Variants in DOK6 observed in about 807,000 individuals in gnomAD.
DOK6 encodes the protein docking protein 6, also known as downstream of tyrosine kinase 6.
Under a neutral mutation model 44.0 loss-of-function variants are expected in DOK6, and 22 were observed. That is an observed-to-expected ratio of 0.50 (90% CI 0.36 to 0.71). The LOEUF (loss-of-function observed/expected upper bound fraction) is 0.71. DOK6 is among the 30% of genes least tolerant of loss of function. The pLI is 0.00. For missense variants in DOK6, 340 were observed against 416.4 expected (o/e 0.82, Z 1.60); for synonymous variants, 166 against 145.5 (o/e 1.14, Z -1.01).
At chr18:69,704,067 C>T (rs985464558) in intron 5 of DOK6, among the ~76,000 whole-genome samples, 2 of 152,216 alleles carry the variant, frequency 1.3e-5, no homozygotes, top group Non-Finnish European at 2.9e-5. Flanking sequence ...CAGACTCCAG[C>T]CTCCAGAGTG....
chr18:69,618,651 A>G (rs999054706), intron 3 of DOK6: 14 of 152,470 alleles, frequency 9.2e-5, no homozygotes, highest in African/African-American at 3.1e-4. Flanking sequence ...GTTTCCCCTT[A>G]TAAAACCATC....
At chr18:69,820,452 G>T (rs1981536070) in intron 7 of DOK6, among the ~76,000 whole-genome samples, 2 of 152,156 alleles carry the variant, frequency 1.3e-5, no homozygotes, top group African/African-American at 4.8e-5. Context: ...CTCTGTGCAT[G>T]GGATCATCTC....
At chr18:69,506,218 A>G (rs1981182541) in intron 1 of DOK6, among the ~76,000 whole-genome samples, 1 of 152,180 alleles carries the variant, frequency 6.6e-6, no homozygotes, top group Non-Finnish European at 1.5e-5. Context: ...AAGTAGCACC[A>G]TCACTCAGGG....
intron 4 of DOK6, among the ~76,000 whole-genome samples, chr18:69,691,301 A>T (rs1340177301): frequency 6.6e-6 from 1 of 152,184 alleles, no homozygotes; most frequent in Non-Finnish European, 1.5e-5. Flanking sequence ...GGTGAAAAGA[A>T]CCAAGAAGTG....
intron 1 of DOK6, among the ~76,000 whole-genome samples, chr18:69,406,734 A>G (rs1272644793): frequency 1.3e-5 from 2 of 152,222 alleles, no homozygotes; most frequent in East Asian, 3.8e-4. Flanking sequence ...TCTTTCAAAC[A>G]CGCACAGTAA....
intron 1 of DOK6, among the ~76,000 whole-genome samples, chr18:69,435,033 A>AGGAAGGAC (rs773761589): frequency 0.18 from 11,488 of 62,664 alleles, 1,252 homozygotes; most frequent in South Asian, 0.28. Flanking sequence ...GAGGGAAGGA[A>AGGAAGGAC]GGAAGGAAGG....
intron 1 of DOK6, among the ~76,000 whole-genome samples, chr18:69,499,986 G>T (rs1271310075): frequency 6.6e-6 from 1 of 152,056 alleles, no homozygotes; most frequent in Non-Finnish European, 1.5e-5. Flanking sequence ...CATCATTGTG[G>T]TATATGTAGA....
chr18:69,598,109 C>T (rs1014199054), intron 2 of DOK6, among the ~76,000 whole-genome samples: 1 of 151,992 alleles, frequency 6.6e-6, no homozygotes, highest in Non-Finnish European at 1.5e-5. Context: ...GTCTAGTCTA[C>T]ATAGTGTAAT....
At chr18:69,515,763 GA>G (rs1178433639) in intron 1 of DOK6, among the ~76,000 whole-genome samples, 2 of 152,038 alleles carry the variant, frequency 1.3e-5, no homozygotes, top group Non-Finnish European at 2.9e-5. Flanking sequence ...ATTTGAGGGG[GA>G]AAAATAAGTT....
At chr18:69,449,964 A>G (rs1447481368) in intron 1 of DOK6, among the ~76,000 whole-genome samples, 7 of 138,396 alleles carry the variant, frequency 5.1e-5, no homozygotes. Context: ...TGGGGAAAAA[A>G]CAGAACAGAA....
At chr18:69,570,176 C>T (rs143232093) in intron 2 of DOK6, among the ~76,000 whole-genome samples, 1 of 152,078 alleles carries the variant, frequency 6.6e-6, no homozygotes, top group African/African-American at 2.4e-5. Context: ...CCTGCACATA[C>T]ACCCCTAGCC....
chr18:69,445,486 T>G (rs1288634582), intron 1 of DOK6, among the ~76,000 whole-genome samples: 1 of 152,206 alleles, frequency 6.6e-6, no homozygotes, highest in Non-Finnish European at 1.5e-5. Flanking sequence ...TTATTAAGTG[T>G]TCTTATCATG....
intron 3 of DOK6, among the ~76,000 whole-genome samples, chr18:69,635,632 A>G (rs1364854854): frequency 6.6e-6 from 1 of 152,194 alleles, no homozygotes; most frequent in Non-Finnish European, 1.5e-5. Flanking sequence ...ACACATGGTG[A>G]TAACTCTAGG....
chr18:69,599,581 T>G (rs1983826589), intron 3 of DOK6, 83 bp downstream of exon 3: 1 of 1,060,168 alleles, frequency 9.4e-7, no homozygotes, highest in Admixed American at 2.1e-5. Flanking sequence ...GGTACACTAT[T>G]GAACAGGATG....
intron 3 of DOK6, among the ~76,000 whole-genome samples, chr18:69,610,837 G>T (rs1250670526): frequency 6.6e-6 from 1 of 152,260 alleles, no homozygotes; most frequent in Non-Finnish European, 1.5e-5. Flanking sequence ...AGGATTTTAT[G>T]TAAGAGATTT....
intron 2 of DOK6, among the ~76,000 whole-genome samples, chr18:69,579,171 A>G (rs1034080283): frequency 2.0e-5 from 3 of 152,188 alleles, no homozygotes; most frequent in African/African-American, 7.2e-5. Flanking sequence ...ACATAAACTG[A>G]TCTCCTGAAG....
chr18:69,555,223 G>C (rs911004106), intron 1 of DOK6, among the ~76,000 whole-genome samples: 2 of 151,996 alleles, frequency 1.3e-5, no homozygotes, highest in Non-Finnish European at 2.9e-5. Context: ...TCTTCAAAAA[G>C]CTTTAATTAC....
At chr18:69,525,696 C>G (rs750910181) in intron 1 of DOK6, among the ~76,000 whole-genome samples, 4 of 151,196 alleles carry the variant, frequency 2.6e-5, no homozygotes, top group Admixed American at 6.7e-5. Context: ...CTTTATGGAT[C>G]ATAAAGTCTC....
intron 6 of DOK6, 62 bp downstream of exon 6, chr18:69,739,165 C>G (rs1339317212): frequency 6.3e-7 from 1 of 1,599,090 alleles, no homozygotes; most frequent in East Asian, 2.2e-5. Context: ...ATCTGATGTA[C>G]ACTGTGTATG....
Sources: gnomAD v4.1 joint callset for allele counts (sites outside exome capture counted in the v4.1 genomes callset) on GRCh38, gnomAD v4.1.1 for gene constraint, MANE v1.5 for transcripts, NCBI Gene and HGNC (gene_info 2026-07-23, HGNC 2026-07-21) for gene names.